PTPRN2: variants seen among roughly 807,000 people sequenced by gnomAD.
PTPRN2 encodes the protein receptor-type tyrosine-protein phosphatase N2.
PTPRN2 carries 74 observed loss-of-function variants against 118.8 expected under a neutral mutation model. The ratio of observed to expected loss-of-function variants is 0.62; its 90% confidence interval spans 0.52 to 0.76. PTPRN2 has a LOEUF of 0.76. Ranked by LOEUF, PTPRN2 falls within the 30% of genes least tolerant of loss-of-function variation. PTPRN2 has a pLI of 0.00. For synonymous variants in PTPRN2, 641 were observed against 608.0 expected (o/e 1.05, Z -0.80); for missense variants, 1,481 against 1,394.4 (o/e 1.06, Z -0.99).
At chr7:157,835,460 C>T (rs752235514) in intron 12 of PTPRN2, among the ~76,000 whole-genome samples, 18 of 152,078 alleles carry the variant, frequency 1.2e-4, no homozygotes, top group Admixed American at 7.9e-4. Context: ...CAAAGCTCTT[C>T]GAGAATCACG....
intron 6 of PTPRN2, among the ~76,000 whole-genome samples, chr7:158,166,070 A>G (rs1822940934): frequency 6.6e-6 from 1 of 152,116 alleles, no homozygotes. Flanking sequence ...TTCAGAGTCA[A>G]TTTTCCAAAA....
intron 1 of PTPRN2, among the ~76,000 whole-genome samples, chr7:158,511,246 G>C (rs941596155): frequency 6.6e-6 from 1 of 152,162 alleles, no homozygotes; most frequent in African/African-American, 2.4e-5. Flanking sequence ...GCGCTGGTGT[G>C]GTCAGGATGG....
At chr7:157,691,370 G>C (rs1797489942) in intron 12 of PTPRN2, among the ~76,000 whole-genome samples, 1 of 152,132 alleles carries the variant, frequency 6.6e-6, no homozygotes, top group South Asian at 2.1e-4. Flanking sequence ...CTTGGCAAGA[G>C]AAAATTGCAC....
rs192528314 is a variant in PTPRN2, at chr7:158,436,795, A to G, written c.163+52940T>C. Among the ~76,000 whole-genome samples, 167 of 152,200 alleles carry G rather than the reference A, an allele frequency of 1.1e-3. 3 individuals are homozygous for G. Among genetic ancestry groups the G allele is most frequent in the Admixed American group, 0.011 (162 of 15,276 alleles). On this transcript the variant is annotated intron_variant, in intron 2 of 22. Coordinates refer to ENST00000389418, the MANE Select transcript of PTPRN2 (RefSeq NM_002847.5). ...ATTCATCAATAGAGATTAATTTCCT[A>G]TGATTTTTCTCTGCTTGCTTTCCAG...
intron 4 of PTPRN2, among the ~76,000 whole-genome samples, chr7:158,196,729 A>G (rs1369083094): frequency 6.6e-6 from 1 of 152,200 alleles, no homozygotes; most frequent in Admixed American, 6.5e-5. Flanking sequence ...AGTGCCCCCG[A>G]TGCCAGTGGA....
In PTPRN2 at chr7:158,292,049, C is replaced by T. The variant is rs528760168; in HGVS notation, c.277+24770G>A. 6.1e-4 allele frequency among the ~76,000 whole-genome samples: 93 copies of T among 152,320 alleles called. 1 individual carries two copies. The highest frequency in any genetic ancestry group is 2.2e-3 in the African/African-American group (91 of 41,574). On this transcript the variant is annotated intron_variant, in intron 3 of 22. Coordinates refer to ENST00000389418, the MANE Select transcript of PTPRN2 (RefSeq NM_002847.5). ...CTGATTGTCTCCATGACCTGTCTAG[C>T]TTTTAGTGAGGCTTAAGACAAGATT... is the stretch of plus-strand genomic sequence containing the variant.
chr7:157,953,277 A>G lies in PTPRN2; in HGVS notation c.1724-54540T>C, dbSNP rs1276613452. 2.0e-5 allele frequency among the ~76,000 whole-genome samples: 3 copies of G among 152,194 alleles called. No homozygotes were observed. The highest frequency in any genetic ancestry group is 7.2e-5 in the African/African-American group (3 of 41,446). ...AAGGACAGGAGAGCCGGGTGTGAGA[A>G]GCCTCCTTCCTAGGGCCTGTGTCTC... is the stretch of plus-strand genomic sequence containing the variant. On this transcript the variant is annotated intron_variant, in intron 11 of 22. Transcript: ENST00000389418. This position sits in a 1 kb window ranked among gnomAD's most constrained non-coding sequence, Gnocchi z 4.6.
chr7:158,230,465 T>C (rs914510298), intron 3 of PTPRN2, among the ~76,000 whole-genome samples: 4 of 151,928 alleles, frequency 2.6e-5, no homozygotes, highest in Non-Finnish European at 5.9e-5. Context: ...TATTAAGAGA[T>C]AGGCAGCATA....
chr7:158,475,344 G>A (rs570166766), intron 2 of PTPRN2, among the ~76,000 whole-genome samples: 18 of 141,432 alleles, frequency 1.3e-4, no homozygotes, highest in South Asian at 2.2e-4. Flanking sequence ...TTCCTCCTGC[G>A]AGTGGGAACA....
intron 12 of PTPRN2, among the ~76,000 whole-genome samples, chr7:157,711,616 C>G (rs1417417690): frequency 6.6e-6 from 1 of 152,160 alleles, no homozygotes; most frequent in Non-Finnish European, 1.5e-5. Flanking sequence ...ACCTCCTGCT[C>G]TCCTCTTTGT....
intron 2 of PTPRN2, among the ~76,000 whole-genome samples, chr7:158,385,364 G>T (rs1033378425): frequency 2.6e-5 from 4 of 152,190 alleles, no homozygotes; most frequent in African/African-American, 9.6e-5. Context: ...TTCAGATTTT[G>T]AAAGGATTTG....
intron 11 of PTPRN2, among the ~76,000 whole-genome samples, chr7:157,910,588 C>T (rs1237034114): frequency 1.3e-5 from 2 of 152,244 alleles, no homozygotes; most frequent in African/African-American, 4.8e-5. Flanking sequence ...GCACAGCTGG[C>T]GGACGCTTCC....
chr7:158,468,916 G>GGTGGATCAACAGTATGCACACCCAT (rs1819588185), intron 2 of PTPRN2, among the ~76,000 whole-genome samples: 1 of 22,344 alleles, frequency 4.5e-5, no homozygotes. Flanking sequence ...TGCACACCCA[G>GGTGGATCAACAGTATGCACACCCAT]GCACACTCCT....
At chr7:157,702,881 C>T (rs1431994876) in intron 12 of PTPRN2, among the ~76,000 whole-genome samples, 2 of 152,194 alleles carry the variant, frequency 1.3e-5, no homozygotes, top group Non-Finnish European at 2.9e-5. Context: ...GAGGTGTCTC[C>T]AGGAAACACT....
At chr7:157,842,761 C>A (rs1808527924) in intron 12 of PTPRN2, among the ~76,000 whole-genome samples, 1 of 152,178 alleles carries the variant, frequency 6.6e-6, no homozygotes, top group African/African-American at 2.4e-5. Flanking sequence ...ACACCCAGCC[C>A]TTTGATTTCA....
At chr7:158,302,154 G>A (rs187784952) in intron 3 of PTPRN2, among the ~76,000 whole-genome samples, 1 of 152,150 alleles carries the variant, frequency 6.6e-6, no homozygotes, top group African/African-American at 2.4e-5. Flanking sequence ...TGACATTCAG[G>A]GTGGTGGGTA....
At chr7:158,122,488 G>A (rs556481056) in intron 9 of PTPRN2, among the ~76,000 whole-genome samples, 15 of 152,268 alleles carry the variant, frequency 9.9e-5, no homozygotes, top group East Asian at 9.7e-4. Context: ...ACGGGTGGAC[G>A]CATGAGCAGA....
chr7:157,642,988 C>T (rs1757284603), intron 14 of PTPRN2, among the ~76,000 whole-genome samples: 1 of 152,184 alleles, frequency 6.6e-6, no homozygotes, highest in African/African-American at 2.4e-5. Context: ...CTCTGGAGCC[C>T]AAACATCCAA....
At chr7:158,378,607 C>A (rs779681733) in intron 2 of PTPRN2, among the ~76,000 whole-genome samples, 3 of 152,160 alleles carry the variant, frequency 2.0e-5, no homozygotes, top group African/African-American at 4.8e-5. Flanking sequence ...ACTCTTGGTT[C>A]TCTGCCTTGA....
Sources: gnomAD v4.1 joint callset for allele counts (sites outside exome capture counted in the v4.1 genomes callset) on GRCh38, gnomAD v4.1.1 for gene constraint, Gnocchi (gnomAD v3.1) non-coding constraint, MANE v1.5 for transcripts, NCBI Gene and HGNC (gene_info 2026-07-23, HGNC 2026-07-21) for gene names.